SPG21: variants seen among roughly 807,000 people sequenced by gnomAD.
The protein encoded by SPG21 is maspardin.
Under a neutral mutation model 38.9 loss-of-function variants are expected in SPG21, and 26 were observed. The observed-to-expected ratio is 0.67, with a 90% CI of 0.49 to 0.93. SPG21 has a LOEUF of 0.93. Among genes scored for constraint, SPG21 ranks in the 40% least tolerant of loss-of-function variants. The pLI is 0.00. For missense variants in SPG21, 333 were observed against 376.5 expected (o/e 0.88, Z 0.96); for synonymous variants, 136 against 128.9 (o/e 1.05, Z -0.37).
At chr15:64,967,708 T>A (rs542961227) in intron 7 of SPG21, among the ~76,000 whole-genome samples, 45 of 152,190 alleles carry the variant, frequency 3.0e-4, no homozygotes, top group African/African-American at 1.0e-3. Context: ...CTTGACCTCA[T>A]GATCCACCCG....
At chr15:64,966,115 T>C (rs1178181263) in intron 7 of SPG21, among the ~76,000 whole-genome samples, 1 of 152,046 alleles carries the variant, frequency 6.6e-6, no homozygotes, top group Non-Finnish European at 1.5e-5. Context: ...TTCAAAAAGA[T>C]CACGAAGCCC....
rs1471529073 is a variant in SPG21, at chr15:64,989,713, T to G, written c.-73A>C. ...CTTCCCCTCCTTCAGGAGGCCGCTC[T>G]TCGCTCCAGTACGAGCGCGGGCCGT... On this transcript the variant is annotated 5_prime_UTR_variant, in exon 1 of 9. Transcript: ENST00000204566. The G allele has an allele frequency of 6.6e-6, 1 of 152,568 alleles. No individual in the cohort carries two copies. The highest frequency in any genetic ancestry group is 1.5e-5 in the Non-Finnish European group (1 of 68,302). 9.5% of individuals were successfully genotyped at this position (152,568 alleles called of 1,614,324 possible).
At chr15:64,971,063 TA>T (rs1049336088) in intron 5 of SPG21, among the ~76,000 whole-genome samples, 2 of 151,606 alleles carry the variant, frequency 1.3e-5, no homozygotes, top group Admixed American at 6.6e-5. Flanking sequence ...TTAAAAAATT[TA>T]AAAAAAAACT....
chr15:64,977,734 CCTAT>C (rs2140434433), intron 3 of SPG21, among the ~76,000 whole-genome samples: 1 of 152,050 alleles, frequency 6.6e-6, no homozygotes, highest in East Asian at 1.9e-4. Context: ...CTATACGTAG[CCTAT>C]CTATTAATGC....
chr15:64,980,797 G>A, intron 3 of SPG21, 67 bp downstream of exon 3: 1 of 1,541,348 alleles, frequency 6.5e-7, no homozygotes, highest in Non-Finnish European at 8.9e-7. Flanking sequence ...TAGCTGATGA[G>A]AGACAGAAGC....
Position 64,963,685 on chromosome 15 carries a change from T to G in SPG21, c.862A>C (p.Met288Leu), listed in dbSNP as rs371753104. The change falls in exon 9 of 9, where the codon ATG becomes CTG. Residue 288 changes from methionine (M) to leucine (L), a missense_variant. Met to Leu is a conservative substitution (Grantham distance 15). Coordinates refer to ENST00000204566, the MANE Select transcript of SPG21 (RefSeq NM_016630.7). ...GTKYAAIDPSMVSAEELEVQK... is the reference protein window; with the variant it reads ...GTKYAAIDPSLVSAEELEVQK... ...ACCTCAAGCTCCTCGGCACTGACCA[T>G]TGATGGGTCAATGGCCGCGTATTTG... 6.2e-7 allele frequency: 1 copy of G among 1,614,166 alleles called. No homozygotes were observed. The highest frequency in any genetic ancestry group is 1.3e-5 in the African/African-American group (1 of 75,042).
intron 8 of SPG21, 112 bp from the exon 9 acceptor site, chr15:64,963,848 C>T: frequency 3.4e-6 from 3 of 883,162 alleles, no homozygotes; most frequent in Non-Finnish European, 5.4e-6. Context: ...CCTCCGCCTC[C>T]CGGGTTCACC....
chr15:64,973,080 C>A (rs1284380059), intron 5 of SPG21, among the ~76,000 whole-genome samples: 1 of 152,172 alleles, frequency 6.6e-6, no homozygotes, highest in East Asian at 1.9e-4. Flanking sequence ...CCTCCTGCCT[C>A]AGCCTCCTGA....
At chr15:64,978,721 G>T (rs929333696) in intron 3 of SPG21, among the ~76,000 whole-genome samples, 1 of 152,220 alleles carries the variant, frequency 6.6e-6, no homozygotes, top group Admixed American at 6.5e-5. Context: ...AAAGAAAGGG[G>T]ATGATACTTT....
intron 5 of SPG21, among the ~76,000 whole-genome samples, chr15:64,972,085 A>T (rs941603263): frequency 6.6e-6 from 1 of 152,172 alleles, no homozygotes; most frequent in African/African-American, 2.4e-5. Context: ...TATGACGAAA[A>T]TTACTTAGAT....
At position 64,965,316 on chromosome 15, in the gene SPG21, T is replaced by C; in HGVS notation, c.810+4A>G. The C allele has an allele frequency of 1.9e-6, 3 of 1,614,210 alleles. No individual in the cohort carries two copies. Among genetic ancestry groups the C allele is most frequent in the Non-Finnish European group, 2.5e-6 (3 of 1,180,040 alleles). On this transcript the variant is annotated splice_donor_region_variant and intron_variant, in intron 8 of 8. Transcript: ENST00000204566. ...AGTGCTCTGGGTTTCAAGCTAGGCC[T>C]TACCTGTACATAAAGATTGACCTCT...
At chr15:64,972,377 G>T (rs2085684480) in intron 5 of SPG21, among the ~76,000 whole-genome samples, 1 of 152,154 alleles carries the variant, frequency 6.6e-6, no homozygotes, top group Non-Finnish European at 1.5e-5. Flanking sequence ...AAACTGAATG[G>T]GGGCTGTCTT....
intron 3 of SPG21, among the ~76,000 whole-genome samples, chr15:64,979,554 T>C (rs1265300661): frequency 6.6e-6 from 1 of 152,062 alleles, no homozygotes; most frequent in African/African-American, 2.4e-5. Context: ...CAGGTAGTGA[T>C]GATAACTGTT....
chr15:64,974,263 T>TA (rs1384424739), intron 5 of SPG21, among the ~76,000 whole-genome samples: 1 of 152,130 alleles, frequency 6.6e-6, no homozygotes, highest in Non-Finnish European at 1.5e-5. Flanking sequence ...GCCCGGGAGT[T>TA]AGAGACCAGC....
chr15:64,973,813 A>C (rs1277762987), intron 5 of SPG21, among the ~76,000 whole-genome samples: 1 of 152,224 alleles, frequency 6.6e-6, no homozygotes, highest in African/African-American at 2.4e-5. Context: ...TGTGCAGAAC[A>C]TCTGTTGACA....
chr15:64,986,244 T>G, intron 1 of SPG21, among the ~76,000 whole-genome samples: 1 of 151,962 alleles, frequency 6.6e-6, no homozygotes, highest in East Asian at 1.9e-4. Context: ...CGCACGCCCG[T>G]AGTCCCAGCT....
chr15:64,978,140 T>C (rs2085820240), intron 3 of SPG21, among the ~76,000 whole-genome samples: 1 of 151,118 alleles, frequency 6.6e-6, no homozygotes, highest in South Asian at 2.1e-4. Flanking sequence ...CAAGAATTCC[T>C]TTTTTATATA....
intron 2 of SPG21, chr15:64,983,126 C>A: frequency 3.5e-6 from 1 of 289,818 alleles, no homozygotes; most frequent in Non-Finnish European, 7.2e-6. Context: ...AGTGTGGTAG[C>A]GCATGCCTGT....
intron 1 of SPG21, among the ~76,000 whole-genome samples, chr15:64,985,462 G>A (rs1203528685): frequency 1.3e-5 from 2 of 152,230 alleles, no homozygotes; most frequent in Non-Finnish European, 2.9e-5. Context: ...TCAACTAAAA[G>A]GCTGCCCCTC....
Sources: gnomAD v4.1 joint callset for allele counts (sites outside exome capture counted in the v4.1 genomes callset) on GRCh38, gnomAD v4.1.1 for gene constraint, MANE v1.5 for transcripts, NCBI Gene and HGNC (gene_info 2026-07-23, HGNC 2026-07-21) for gene names.